EPHA3: variants seen among roughly 807,000 people sequenced by gnomAD.
The protein encoded by EPHA3 is ephrin type-A receptor 3.
A neutral mutation model predicts 107.1 loss-of-function variants in EPHA3; 42 were observed. The observed-to-expected ratio is 0.39, with a 90% CI of 0.31 to 0.51. The LOEUF (loss-of-function observed/expected upper bound fraction) is 0.51. Ranked by LOEUF, EPHA3 falls within the 20% of genes least tolerant of loss-of-function variation. The pLI is 0.78. For synonymous variants in EPHA3, 461 were observed against 424.8 expected (o/e 1.09, Z -1.05); for missense variants, 1,183 against 1,211.2 (o/e 0.98, Z 0.35).
intron 2 of EPHA3, among the ~76,000 whole-genome samples, chr3:89,195,324 A>G (rs962725060): frequency 2.0e-5 from 3 of 152,086 alleles, no homozygotes; most frequent in Non-Finnish European, 2.9e-5. Context: ...GTGCAACTGA[A>G]GAGTTCTGGG....
At chr3:89,173,434 G>A (rs1047981234) in intron 2 of EPHA3, among the ~76,000 whole-genome samples, 1 of 151,928 alleles carries the variant, frequency 6.6e-6, no homozygotes, top group Non-Finnish European at 1.5e-5. Context: ...AATCCATTGG[G>A]TGAGTAAACT....
intron 9 of EPHA3, among the ~76,000 whole-genome samples, chr3:89,411,540 A>C (rs1319290730): frequency 6.6e-6 from 1 of 151,860 alleles, no homozygotes; most frequent in Non-Finnish European, 1.5e-5. Context: ...GTTTTTACCC[A>C]ACCTCTCTCT....
chr3:89,283,733 G>A (rs1706004500), intron 3 of EPHA3, among the ~76,000 whole-genome samples: 2 of 152,230 alleles, frequency 1.3e-5, no homozygotes, highest in Middle Eastern at 3.4e-3. Context: ...TGAAACACAA[G>A]AGAGAATTGA....
At chr3:89,108,643 T>G (rs1232472731) in intron 1 of EPHA3, among the ~76,000 whole-genome samples, 1 of 152,220 alleles carries the variant, frequency 6.6e-6, no homozygotes, top group East Asian at 1.9e-4. Flanking sequence ...ATTATCCTTG[T>G]AATGAGCATT....
intron 3 of EPHA3, among the ~76,000 whole-genome samples, chr3:89,246,684 T>G (rs1705041082): frequency 1.3e-5 from 2 of 152,228 alleles, no homozygotes; most frequent in African/African-American, 4.8e-5. Flanking sequence ...GTGGACATAC[T>G]TTCAATAACT....
At chr3:89,352,305 A>G (rs1707845092) in intron 5 of EPHA3, among the ~76,000 whole-genome samples, 1 of 151,302 alleles carries the variant, frequency 6.6e-6, no homozygotes, top group African/African-American at 2.4e-5. Flanking sequence ...ATTAAACTGG[A>G]AATCCAATAA....
intron 2 of EPHA3, among the ~76,000 whole-genome samples, chr3:89,165,315 G>A (rs775896502): frequency 5.3e-5 from 8 of 152,226 alleles, no homozygotes; most frequent in Middle Eastern, 3.4e-3. Context: ...GAATTAAAAC[G>A]AAATGTCATA....
At chr3:89,201,851 A>C (rs994426457) in intron 2 of EPHA3, among the ~76,000 whole-genome samples, 2 of 152,196 alleles carry the variant, frequency 1.3e-5, no homozygotes, top group Admixed American at 1.3e-4. Flanking sequence ...CACAGTTTCC[A>C]AGAATCTATC....
chr3:89,130,269 G>A (rs1704177937), intron 2 of EPHA3, among the ~76,000 whole-genome samples: 1 of 152,112 alleles, frequency 6.6e-6, no homozygotes, highest in African/African-American at 2.4e-5. Context: ...TTACTTAGGG[G>A]ATTAATAATA....
intron 12 of EPHA3, among the ~76,000 whole-genome samples, chr3:89,430,877 T>G (rs1709552204): frequency 6.6e-6 from 1 of 152,182 alleles, no homozygotes; most frequent in Non-Finnish European, 1.5e-5. Context: ...TTAGTTTTTT[T>G]GTCACATAAG....
At chr3:89,168,745 C>T (rs146682663) in intron 2 of EPHA3, among the ~76,000 whole-genome samples, 1,559 of 152,008 alleles carry the variant, frequency 0.01, 15 homozygotes, top group Middle Eastern at 0.014. Flanking sequence ...TGCATATTTG[C>T]CTACCTGTTG....
intron 3 of EPHA3, among the ~76,000 whole-genome samples, chr3:89,230,998 G>T (rs1429299134): frequency 2.6e-5 from 4 of 151,870 alleles, no homozygotes; most frequent in African/African-American, 9.7e-5. Context: ...ATAATATTAT[G>T]TTTATTCTGA....
chr3:89,336,449 C>T (rs980677813), intron 3 of EPHA3, among the ~76,000 whole-genome samples: 2 of 152,030 alleles, frequency 1.3e-5, no homozygotes, highest in South Asian at 4.2e-4. Context: ...TGATTTACTG[C>T]AAGGGAGAGA....
chr3:89,267,740 C>T (rs1576277546), intron 3 of EPHA3, among the ~76,000 whole-genome samples: 1 of 151,988 alleles, frequency 6.6e-6, no homozygotes, highest in East Asian at 1.9e-4. Flanking sequence ...CTTTGGCTTG[C>T]TTTTTTAATC....
intron 16 of EPHA3, 130 bp downstream of exon 16, chr3:89,472,749 C>G: frequency 9.4e-7 from 1 of 1,061,122 alleles, no homozygotes; most frequent in East Asian, 2.6e-5. Context: ...TACTGACTAC[C>G]GCCTGGAACT....
At chr3:89,457,287 T>C (rs1168106238) in intron 15 of EPHA3, among the ~76,000 whole-genome samples, 1 of 152,148 alleles carries the variant, frequency 6.6e-6, no homozygotes, top group Non-Finnish European at 1.5e-5. Context: ...AGATCAGGGA[T>C]CCTCAGCCCC....
At chr3:89,291,804 G>A (rs1706212213) in intron 3 of EPHA3, among the ~76,000 whole-genome samples, 1 of 152,162 alleles carries the variant, frequency 6.6e-6, no homozygotes, top group Non-Finnish European at 1.5e-5. Flanking sequence ...TGGTTTATAG[G>A]ACATGTGCCA....
At chr3:89,261,008 T>G (rs950269287) in intron 3 of EPHA3, among the ~76,000 whole-genome samples, 2 of 152,244 alleles carry the variant, frequency 1.3e-5, no homozygotes, top group African/African-American at 4.8e-5. Flanking sequence ...TGGAGTTATA[T>G]TCCAACAAAG....
intron 2 of EPHA3, among the ~76,000 whole-genome samples, chr3:89,150,770 A>G (rs1553706228): frequency 6.6e-6 from 1 of 152,096 alleles, no homozygotes; most frequent in Non-Finnish European, 1.5e-5. Context: ...TATCATTTGT[A>G]CCTTTAGAAC....
Sources: gnomAD v4.1 joint callset for allele counts (sites outside exome capture counted in the v4.1 genomes callset) on GRCh38, gnomAD v4.1.1 for gene constraint, MANE v1.5 for transcripts, NCBI Gene and HGNC (gene_info 2026-07-23, HGNC 2026-07-21) for gene names.